ARHGEF12: variants seen among roughly 807,000 people sequenced by gnomAD.
The protein encoded by ARHGEF12 is Rho guanine nucleotide exchange factor 12, also known as KMT2A/ARHGEF12 fusion protein.
ARHGEF12 carries 66 observed loss-of-function variants against 211.2 expected under a neutral mutation model. The ratio of observed to expected loss-of-function variants is 0.31; its 90% CI spans 0.26 to 0.38. ARHGEF12 has a LOEUF of 0.38. Ranked by LOEUF, ARHGEF12 falls within the 10% of genes least tolerant of loss-of-function variation. ARHGEF12 has a pLI of 1.00. For missense variants in ARHGEF12, 1,429 were observed against 1,869.5 expected (o/e 0.76, Z 4.34); for synonymous variants, 592 against 638.4 (o/e 0.93, Z 1.09).
At chr11:120,415,477 TTGTG>T (rs1205221060) in intron 4 of ARHGEF12, among the ~76,000 whole-genome samples, 3 of 152,144 alleles carry the variant, frequency 2.0e-5, no homozygotes, top group Non-Finnish European at 4.4e-5. Context: ...AGTAGGATTT[TTGTG>T]TGTGTATGTC....
chr11:120,356,864 G>A (rs1205146360), intron 1 of ARHGEF12, among the ~76,000 whole-genome samples: 19 of 152,126 alleles, frequency 1.2e-4, no homozygotes, highest in Admixed American at 1.2e-3. Flanking sequence ...GCTAGGTACT[G>A]TAATGTTTCC....
Position 120,424,736 on chromosome 11 carries a change from C to T in ARHGEF12, c.406+321C>T, listed in dbSNP as rs574475199. On this transcript the variant is annotated intron_variant, in intron 7 of 40. Coordinates refer to ENST00000397843, the MANE Select transcript of ARHGEF12 (RefSeq NM_015313.3). ...ACTAATAGCTATCTTTTGTCAACTC[C>T]ATTTATATGGTTGATTATAATATTC... Among the ~76,000 whole-genome samples, 11 of 152,224 alleles carry T rather than the reference C, an allele frequency of 7.2e-5. No homozygotes were observed. The South Asian group carries it at 1.2e-3, about 17-fold the overall frequency.
At chr11:120,429,570 A>G in intron 9 of ARHGEF12, 53 bp downstream of exon 9, 3 of 1,589,028 alleles carry the variant, frequency 1.9e-6, no homozygotes, top group Non-Finnish European at 1.7e-6. Flanking sequence ...GTGAGTGGGC[A>G]TGGTTGAGTT....
chr11:120,421,404 A>G (rs997641465), intron 5 of ARHGEF12, among the ~76,000 whole-genome samples: 1 of 148,862 alleles, frequency 6.7e-6, no homozygotes, highest in South Asian at 2.2e-4. Flanking sequence ...CAGCATTTGA[A>G]TGTAAAGTCT....
intron 29 of ARHGEF12, among the ~76,000 whole-genome samples, chr11:120,467,906 ATGTAC>A (rs1461160592): frequency 6.6e-6 from 1 of 152,136 alleles, no homozygotes; most frequent in African/African-American, 2.4e-5. Context: ...TCGTCTGTTT[ATGTAC>A]TGTCCCTGAT....
At chr11:120,480,468 T>G in intron 38 of ARHGEF12, 38 bp downstream of exon 38, 1 of 1,560,454 alleles carries the variant, frequency 6.4e-7, no homozygotes, top group Non-Finnish European at 8.7e-7. Context: ...ATTTTGATTT[T>G]GATCATTGTT....
In ARHGEF12 at chr11:120,390,902, A is replaced by G. The variant is rs546310977; in HGVS notation, c.33-15216A>G. Among the ~76,000 whole-genome samples, 5 of 152,344 alleles carry G rather than the reference A, an allele frequency of 3.3e-5. No homozygotes were observed. The South Asian group carries it at 8.3e-4, about 25-fold the overall frequency. On this transcript the variant is annotated intron_variant, in intron 1 of 40. Transcript: ENST00000397843. ...TCAATAAAACAAGGCTAAACATTTT[A>G]CTTATAGAATTATTGTTAAAATTAA...
intron 22 of ARHGEF12, among the ~76,000 whole-genome samples, chr11:120,456,625 TC>T (rs1421366069): frequency 4.0e-4 from 61 of 152,338 alleles, no homozygotes; most frequent in South Asian, 8.3e-4. Flanking sequence ...AAAATGTTGT[TC>T]CTCATCATAT....
At chr11:120,399,456 C>T (rs1336906480) in intron 1 of ARHGEF12, among the ~76,000 whole-genome samples, 3 of 150,532 alleles carry the variant, frequency 2.0e-5, no homozygotes, top group Non-Finnish European at 4.4e-5. Context: ...TTCTGGGTTT[C>T]CTTGATGATT....
intron 1 of ARHGEF12, among the ~76,000 whole-genome samples, chr11:120,371,725 G>A (rs1565435116): frequency 6.6e-6 from 1 of 152,158 alleles, no homozygotes; most frequent in Admixed American, 6.5e-5. Context: ...TTGTAATTAA[G>A]CCTCTCTGCT....
chr11:120,392,154 G>A (rs939362383), intron 1 of ARHGEF12, among the ~76,000 whole-genome samples: 7 of 152,042 alleles, frequency 4.6e-5, no homozygotes, highest in Non-Finnish European at 7.4e-5. Flanking sequence ...AAGCCACAGC[G>A]GACTTTGTAT....
chr11:120,443,092 C>T (rs1440697610), intron 15 of ARHGEF12, among the ~76,000 whole-genome samples: 1 of 150,088 alleles, frequency 6.7e-6, no homozygotes, highest in African/African-American at 2.5e-5. Context: ...CACGATTGCA[C>T]CTCACTGGAA....
At chr11:120,355,001 A>G (rs1943091657) in intron 1 of ARHGEF12, among the ~76,000 whole-genome samples, 1 of 152,176 alleles carries the variant, frequency 6.6e-6, no homozygotes, top group East Asian at 1.9e-4. Flanking sequence ...ATCTCATTTT[A>G]GCTAGCATTG....
Position 120,486,175 on chromosome 11 carries a change from C to T in ARHGEF12, c.*1098C>T, listed in dbSNP as rs909414230. 1 of 233,498 alleles carries T rather than the reference C, an allele frequency of 4.3e-6. No individual in the cohort carries two copies. The highest frequency in any genetic ancestry group is 8.5e-6 in the Non-Finnish European group (1 of 117,934). 14.5% of individuals were successfully genotyped at this position (233,498 alleles called of 1,614,324 possible). On this transcript the variant is annotated 3_prime_UTR_variant, in exon 41 of 41. Transcript: ENST00000397843. ...TCATGGCTATCATTAGCCACAGGTA[C>T]TGCTGATTATAAGGCCAGTAAAATT...
At chr11:120,387,524 A>G (rs1944075448) in intron 1 of ARHGEF12, among the ~76,000 whole-genome samples, 1 of 152,122 alleles carries the variant, frequency 6.6e-6, no homozygotes, top group Non-Finnish European at 1.5e-5. Context: ...AAAATTATTA[A>G]TCTTTCTATT....
At chr11:120,388,952 T>C (rs1396908014) in intron 1 of ARHGEF12, among the ~76,000 whole-genome samples, 1 of 152,158 alleles carries the variant, frequency 6.6e-6, no homozygotes, top group Non-Finnish European at 1.5e-5. Flanking sequence ...AGCCTCCTCC[T>C]CCTGAGTTCA....
chr11:120,399,547 C>T (rs1453291570), intron 1 of ARHGEF12, among the ~76,000 whole-genome samples: 1 of 151,866 alleles, frequency 6.6e-6, no homozygotes, highest in Non-Finnish European at 1.5e-5. Flanking sequence ...CCAATGAATG[C>T]ATACCAACTG....
intron 1 of ARHGEF12, among the ~76,000 whole-genome samples, chr11:120,346,701 CT>C (rs1037252096): frequency 2.0e-5 from 3 of 150,928 alleles, no homozygotes; most frequent in African/African-American, 4.9e-5. Flanking sequence ...ATGAAAGTTT[CT>C]TTTTTTTTAG....
chr11:120,352,551 T>C (rs565587864), intron 1 of ARHGEF12, among the ~76,000 whole-genome samples: 4 of 152,264 alleles, frequency 2.6e-5, no homozygotes, highest in African/African-American at 9.6e-5. Context: ...CATTTAAAGA[T>C]AAAAAGGTTT....
Sources: allele counts gnomAD v4.1 joint callset (sites outside exome capture counted in the v4.1 genomes callset), GRCh38; gene constraint gnomAD v4.1.1; transcripts MANE v1.5; gene names NCBI Gene and HGNC (gene_info 2026-07-23, HGNC 2026-07-21).